Variants in ARID1B observed in about 807,000 individuals in gnomAD.
ARID1B encodes the protein AT-rich interaction domain 1B.
ARID1B carries 30 observed loss-of-function variants against 212.3 expected under a neutral mutation model. The observed-to-expected ratio is 0.14, with a 90% CI of 0.11 to 0.19. ARID1B has a LOEUF of 0.19. Ranked by LOEUF, ARID1B falls within the 10% of genes least tolerant of loss-of-function variation. The pLI, the probability that ARID1B is intolerant of heterozygous loss-of-function variation, is 1.00. For synonymous variants in ARID1B, 1,402 were observed against 1,301.7 expected (o/e 1.08, Z -1.66); for missense variants, 2,891 against 3,204.0 (o/e 0.90, Z 2.36).
At chr6:156,859,746 C>T (rs1785194016) in intron 2 of ARID1B, among the ~76,000 whole-genome samples, 1 of 152,180 alleles carries the variant, frequency 6.6e-6, no homozygotes, top group Admixed American at 6.5e-5. Context: ...ATTTCTTTAC[C>T]ACTGAGTTGT....
intron 4 of ARID1B, among the ~76,000 whole-genome samples, chr6:156,979,271 G>A (rs1473094302): frequency 6.6e-6 from 1 of 152,166 alleles, no homozygotes; most frequent in Non-Finnish European, 1.5e-5. Context: ...GAGATGCCTA[G>A]GTGGAAACTT....
intron 3 of ARID1B, among the ~76,000 whole-genome samples, chr6:156,915,567 C>G (rs540706333): frequency 8.4e-5 from 12 of 142,674 alleles, no homozygotes; most frequent in African/African-American, 2.7e-4. Flanking sequence ...GACTCTGTCT[C>G]AAAAAAAATT....
chr6:157,197,721 T>G (rs893826511), intron 16 of ARID1B, among the ~76,000 whole-genome samples: 19 of 151,922 alleles, frequency 1.3e-4, no homozygotes, highest in Non-Finnish European at 2.2e-4. Context: ...GATGTTTTTT[T>G]GGGGGGGGTA....
At chr6:157,092,963 C>G (rs984313985) in intron 5 of ARID1B, among the ~76,000 whole-genome samples, 5 of 152,180 alleles carry the variant, frequency 3.3e-5, no homozygotes, top group Non-Finnish European at 7.3e-5. Flanking sequence ...TGTTTTCACT[C>G]TTGAGCTGAG....
At chr6:156,967,137 G>T (rs1282612789) in intron 4 of ARID1B, among the ~76,000 whole-genome samples, 1 of 152,160 alleles carries the variant, frequency 6.6e-6, no homozygotes, top group Non-Finnish European at 1.5e-5. Context: ...AATTACTAGA[G>T]ATATATAAAC....
At position 156,789,013 on chromosome 6, in the gene ARID1B, A is replaced by G. The variant is rs559261676; in HGVS notation, c.1791+9542A>G. Among the ~76,000 whole-genome samples the G allele has an allele frequency of 1.4e-4, 22 of 152,336 alleles. No homozygotes were observed. In the South Asian group the frequency reaches 4.1e-3, roughly 29 times the overall value. On this transcript the variant is annotated intron_variant, in intron 1 of 19. Coordinates refer to ENST00000636930, the MANE Select transcript of ARID1B (RefSeq NM_001374828.1). ...GCTACAGTTTTCTTCTGTAGTTCTTATGCAAAAAGACTATATTCCTCAAAG... is the reference window on the plus strand; with the variant it reads ...GCTACAGTTTTCTTCTGTAGTTCTTGTGCAAAAAGACTATATTCCTCAAAG...
chr6:156,931,887 G>C (rs1227633678), intron 3 of ARID1B, among the ~76,000 whole-genome samples: 1 of 151,084 alleles, frequency 6.6e-6, no homozygotes, highest in Non-Finnish European at 1.5e-5. Flanking sequence ...GCTTCAACCC[G>C]GGAGGTGGAG....
rs907942575 is a variant in ARID1B at position 157,210,411 on chromosome 6, CTG to C, written c.*2522_*2523del. The C allele has an allele frequency of 2.6e-5, 6 of 230,854 alleles. No homozygotes were observed. Among genetic ancestry groups the C allele is most frequent in the African/African-American group, 4.4e-5 (2 of 45,168 alleles). 14.3% of individuals were successfully genotyped at this position (230,854 alleles called of 1,614,324 possible). A position where few individuals can be genotyped will look rare whatever the true frequency, so the allele number is the denominator to read the frequency against. On this transcript the variant is annotated 3_prime_UTR_variant, in exon 20 of 20. Coordinates refer to ENST00000636930, the MANE Select transcript of ARID1B (RefSeq NM_001374828.1). ...GAAGAGTAAAATAATTAACAAAAGA[CTG>C]TTGTTATGGTTTGCATTGTAACCGA...
At chr6:156,789,739 G>C (rs1349321200) in intron 1 of ARID1B, among the ~76,000 whole-genome samples, 3 of 152,218 alleles carry the variant, frequency 2.0e-5, no homozygotes, top group Non-Finnish European at 4.4e-5. Context: ...AGCACTGGAA[G>C]ATTATGCATT....
At position 156,876,434 on chromosome 6, in the gene ARID1B, C is replaced by T. The variant is rs143965503; in HGVS notation, c.1987-24942C>T. ...CCAGTGGCTCTACCCTGGACCACGG[C>T]CCACTCAGCCCGAGACTCACTGCTG... is the stretch of plus-strand genomic sequence containing the variant. On this transcript the variant is annotated intron_variant, in intron 2 of 19. Coordinates refer to ENST00000636930, the MANE Select transcript of ARID1B (RefSeq NM_001374828.1). Among the ~76,000 whole-genome samples the T allele has an allele frequency of 1.6e-3, 241 of 152,286 alleles. 1 individual carries two copies. The highest frequency in any genetic ancestry group is 5.1e-3 in the African/African-American group (210 of 41,562).
At chr6:157,171,750 T>G (rs915443381) in intron 9 of ARID1B, among the ~76,000 whole-genome samples, 16 of 152,208 alleles carry the variant, frequency 1.1e-4, no homozygotes, top group Admixed American at 4.6e-4. Flanking sequence ...TGAAGAAATT[T>G]GGGGAATTTC....
intron 4 of ARID1B, among the ~76,000 whole-genome samples, chr6:157,074,845 A>G (rs796541106): frequency 2.8e-4 from 42 of 152,190 alleles, no homozygotes; most frequent in African/African-American, 9.7e-4. Context: ...GGTGAGGTAT[A>G]GTAACATCAT....
chr6:156,993,506 T>G (rs796522900), intron 4 of ARID1B, among the ~76,000 whole-genome samples: 17 of 152,326 alleles, frequency 1.1e-4, no homozygotes, highest in African/African-American at 4.1e-4. Context: ...CTTTATATAT[T>G]AGTTTACAGA....
chr6:157,079,393 A>G (rs550782743), intron 4 of ARID1B, among the ~76,000 whole-genome samples: 1 of 152,348 alleles, frequency 6.6e-6, no homozygotes, highest in African/African-American at 2.4e-5. Flanking sequence ...TTAAACAGTC[A>G]CTGTGAGAAT....
intron 4 of ARID1B, among the ~76,000 whole-genome samples, chr6:156,995,689 C>T (rs1236346029): frequency 6.6e-6 from 1 of 152,170 alleles, no homozygotes. Flanking sequence ...ATTCAATTAT[C>T]GTCAGTGCTG....
chr6:156,878,006 G>A (rs1480337545), intron 2 of ARID1B, among the ~76,000 whole-genome samples: 2 of 151,926 alleles, frequency 1.3e-5, no homozygotes, highest in Admixed American at 6.6e-5. Flanking sequence ...GTGAACCACC[G>A]CGTCTGGCCC....
In ARID1B at chr6:157,124,555, T is replaced by C. The variant is rs149023604; in HGVS notation, c.2582-8473T>C. Among the ~76,000 whole-genome samples, 847 of 152,340 alleles carry C rather than the reference T, an allele frequency of 5.6e-3. 4 individuals are homozygous for C. The highest frequency in any genetic ancestry group is 9.3e-3 in the Non-Finnish European group (632 of 68,038). ...AGGCAAGTGGCCTTCTAGGCACACC[T>C]GTAAAAACAGCTGGAGCAAAGGACA... On this transcript the variant is annotated intron_variant, in intron 6 of 19. Coordinates refer to ENST00000636930, the MANE Select transcript of ARID1B (RefSeq NM_001374828.1).
At chr6:156,863,151 G>A (rs1318568596) in intron 2 of ARID1B, among the ~76,000 whole-genome samples, 1 of 152,134 alleles carries the variant, frequency 6.6e-6, no homozygotes, top group African/African-American at 2.4e-5. Context: ...TGCTGCTTGT[G>A]GGGATAAGAA....
chr6:156,795,428 T>C (rs528228755), intron 1 of ARID1B, among the ~76,000 whole-genome samples: 2 of 152,232 alleles, frequency 1.3e-5, no homozygotes, highest in South Asian at 4.2e-4. Flanking sequence ...AAATATAATA[T>C]TCATTATGTA....
Sources: allele counts gnomAD v4.1 joint callset (sites outside exome capture counted in the v4.1 genomes callset), GRCh38; gene constraint gnomAD v4.1.1; transcripts MANE v1.5; gene names NCBI Gene and HGNC (gene_info 2026-07-23, HGNC 2026-07-21).